AJAP1: variants seen among roughly 807,000 people sequenced by gnomAD.
The protein encoded by AJAP1 is adherens junction-associated protein 1.
A neutral mutation model predicts 35.0 loss-of-function variants in AJAP1; 5 were observed. The observed-to-expected ratio is 0.14, with a 90% confidence interval of 0.07 to 0.30. The LOEUF (loss-of-function observed/expected upper bound fraction) is 0.30. Ranked by LOEUF, AJAP1 falls within the 10% of genes least tolerant of loss-of-function variation. AJAP1 has a pLI of 1.00. For synonymous variants in AJAP1, 284 were observed against 249.3 expected, an observed-to-expected ratio of 1.14 and a Z score of -1.31; for missense variants, 586 against 571.0, an observed-to-expected ratio of 1.03 and a Z score of -0.27.
chr1:4,727,318 C>T (rs1640686947), intron 2 of AJAP1, among the ~76,000 whole-genome samples: 1 of 152,200 alleles, frequency 6.6e-6, no homozygotes, highest in Admixed American at 6.5e-5. Flanking sequence ...GGCTCCCGGC[C>T]CCACCTTCCC....
intron 1 of AJAP1, among the ~76,000 whole-genome samples, chr1:4,662,099 A>G (rs760837154): frequency 5.3e-5 from 8 of 151,914 alleles, no homozygotes; most frequent in Non-Finnish European, 1.0e-4. Context: ...TTGAAGCACA[A>G]TTTACATGCA....
chr1:4,735,926 G>A (rs866876285), intron 2 of AJAP1, among the ~76,000 whole-genome samples: 1 of 152,208 alleles, frequency 6.6e-6, no homozygotes, highest in South Asian at 2.1e-4. Flanking sequence ...TGCCATTGCT[G>A]GTCAGATTGA....
chr1:4,773,486 C>T (rs1052976788), intron 4 of AJAP1, among the ~76,000 whole-genome samples: 11 of 152,210 alleles, frequency 7.2e-5, no homozygotes, highest in East Asian at 1.9e-4. Flanking sequence ...CTTCTGGCCA[C>T]GCCTCTTCTT....
intron 1 of AJAP1, among the ~76,000 whole-genome samples, chr1:4,657,845 G>T (rs553322723): frequency 6.6e-6 from 1 of 152,226 alleles, no homozygotes; most frequent in Non-Finnish European, 1.5e-5. Flanking sequence ...CCCCAAGAGG[G>T]AGAAGCAGAT....
At chr1:4,662,189 A>C (rs2100504611) in intron 1 of AJAP1, among the ~76,000 whole-genome samples, 1 of 152,258 alleles carries the variant, frequency 6.6e-6, no homozygotes, top group South Asian at 2.1e-4. Context: ...GCCATGGTCC[A>C]GTTTCAGCAC....
At chr1:4,729,556 AGGGCTGGTTCCTTCTG>A (rs1451911039) in intron 2 of AJAP1, among the ~76,000 whole-genome samples, 1 of 58,310 alleles carries the variant, frequency 1.7e-5, no homozygotes, top group Non-Finnish European at 3.4e-5. Context: ...GGGCAGCAGC[AGGGCTGGTTCCTTCTG>A]GGGCTGTGAG....
chr1:4,720,291 C>T lies in AJAP1; in HGVS notation c.829+7592C>T, dbSNP rs1053513356. 3.3e-5 allele frequency among the ~76,000 whole-genome samples: 5 copies of T among 152,182 alleles called. No individual in the cohort carries two copies. Among genetic ancestry groups the T allele is most frequent in the African/African-American group, 9.7e-5 (4 of 41,450 alleles). On this transcript the variant is annotated intron_variant, in intron 2 of 5. Coordinates refer to ENST00000378191, the MANE Select transcript of AJAP1 (RefSeq NM_018836.4). This position sits in a 1 kb window ranked among gnomAD's most constrained non-coding sequence, Gnocchi z 4.4. ...TGGTTCAGTGAATCTCACAACCGTCCGCCTTGCAGTCTGTGTAAGGACGTG... is the reference window on the plus strand; with the variant it reads ...TGGTTCAGTGAATCTCACAACCGTCTGCCTTGCAGTCTGTGTAAGGACGTG...
At chr1:4,702,720 G>A (rs573304783) in intron 1 of AJAP1, among the ~76,000 whole-genome samples, 2 of 152,128 alleles carry the variant, frequency 1.3e-5, no homozygotes, top group Non-Finnish European at 2.9e-5. Context: ...AGGCGATTTT[G>A]GCTCATGAGA....
At chr1:4,657,025 G>T (rs1451773375) in intron 1 of AJAP1, among the ~76,000 whole-genome samples, 1 of 152,204 alleles carries the variant, frequency 6.6e-6, no homozygotes, top group Non-Finnish European at 1.5e-5. Context: ...CCCCACACTG[G>T]CCAGTGGCTG....
chr1:4,664,740 C>T (rs573520135), intron 1 of AJAP1, among the ~76,000 whole-genome samples: 3 of 152,154 alleles, frequency 2.0e-5, no homozygotes, highest in South Asian at 2.1e-4. Context: ...GACAGAGTCC[C>T]GTAACCACCC....
intron 3 of AJAP1, among the ~76,000 whole-genome samples, chr1:4,770,273 C>T (rs539436106): frequency 5.3e-5 from 8 of 152,282 alleles, no homozygotes; most frequent in Admixed American, 1.3e-4. Flanking sequence ...TCTCCTCTGC[C>T]CCTTCCCTGG....
chr1:4,753,223 A>G (rs1050215429), intron 2 of AJAP1, among the ~76,000 whole-genome samples: 6 of 152,170 alleles, frequency 3.9e-5, no homozygotes, highest in Non-Finnish European at 8.8e-5. Flanking sequence ...GTGTATGGAG[A>G]GAGAGTGGGT....
chr1:4,757,318 T>C (rs896847057), intron 2 of AJAP1, among the ~76,000 whole-genome samples: 9 of 152,224 alleles, frequency 5.9e-5, no homozygotes, highest in African/African-American at 1.7e-4. Flanking sequence ...CTCACTCACA[T>C]GCCCCCGGGT....
intron 1 of AJAP1, among the ~76,000 whole-genome samples, chr1:4,690,173 A>T (rs933565895): frequency 6.6e-6 from 1 of 152,148 alleles, no homozygotes; most frequent in African/African-American, 2.4e-5. Context: ...CTAAACCCCC[A>T]GGAGGCCCGA....
chr1:4,661,599 C>A (rs534447883), intron 1 of AJAP1, among the ~76,000 whole-genome samples: 1 of 152,350 alleles, frequency 6.6e-6, no homozygotes, highest in South Asian at 2.1e-4. Flanking sequence ...AAATCTACTT[C>A]TTACTCACTT....
rs1570144343 is a variant in AJAP1, at chr1:4,712,481, C to T, written c.611C>T (p.Thr204Ile). 6 of 1,612,444 alleles carry T rather than the reference C, an allele frequency of 3.7e-6. No individual in the cohort carries two copies. Among genetic ancestry groups the T allele is most frequent in the Non-Finnish European group, 5.1e-6 (6 of 1,179,456 alleles). The change falls in exon 2 of 6, where the codon ACC becomes ATC. Residue 204 changes from threonine (T) to isoleucine (I), a missense_variant. By Grantham distance (89) the Thr-to-Ile change is moderately conservative (BLOSUM62 -1). Transcript: ENST00000378191. Reference sequence around the variant, plus strand: ...ACATTTCCGGGCGTTTACGGCCCCACCACGGTCTCCATCCTACAAACACGG... The same window carrying T: ...ACATTTCCGGGCGTTTACGGCCCCATCACGGTCTCCATCCTACAAACACGG... ...SNTFPGVYGP[T>I]TVSILQTRKT...
Position 4,786,410 on chromosome 1 carries a change from G to C in AJAP1, c.*3925G>C, listed in dbSNP as rs1208177620. On this transcript the variant is annotated 3_prime_UTR_variant, in exon 6 of 6. Coordinates refer to ENST00000378191, the MANE Select transcript of AJAP1 (RefSeq NM_018836.4). ...CATCAGCAAACCCCACCCACTCTTT[G>C]AATCGGGACACCAGGAAACCCGTTA... is the stretch of plus-strand genomic sequence containing the variant. 6.6e-6 allele frequency: 1 copy of C among 152,146 alleles called. No homozygotes were observed. Among genetic ancestry groups the C allele is most frequent in the Non-Finnish European group, 1.5e-5 (1 of 68,038 alleles). The allele number at this position is 152,146 out of a possible 1,614,324, so 9.4% of individuals were successfully genotyped here.
At chr1:4,707,962 CG>C (rs1640136698) in intron 1 of AJAP1, among the ~76,000 whole-genome samples, 1 of 142,560 alleles carries the variant, frequency 7.0e-6, no homozygotes. Context: ...GTGGGCGGTA[CG>C]TTTTTTTTTT....
rs531567129 is a variant in AJAP1, at chr1:4,752,987, G to A, written c.830-16866G>A. Among the ~76,000 whole-genome samples the A allele has an allele frequency of 6.6e-5, 10 of 152,288 alleles. No individual in the cohort carries two copies. The South Asian group carries it at 2.1e-3, about 32-fold the overall frequency. On this transcript the variant is annotated intron_variant, in intron 2 of 5. Coordinates refer to ENST00000378191, the MANE Select transcript of AJAP1 (RefSeq NM_018836.4). ...TCCTTGGCCACATGCCTTTGTTCTG[G>A]ACTGTCCAGTGGGTCCCCTTGTATG...
Sources: gnomAD v4.1 joint callset for allele counts (sites outside exome capture counted in the v4.1 genomes callset) on GRCh38, gnomAD v4.1.1 for gene constraint, Gnocchi (gnomAD v3.1) non-coding constraint, MANE v1.5 for transcripts, NCBI Gene and HGNC (gene_info 2026-07-23, HGNC 2026-07-21) for gene names.